The following LINGO2 variants were observed in gnomAD, a reference collection of about 807,000 sequenced individuals.
LINGO2 encodes the protein leucine-rich repeat and immunoglobulin-like domain-containing nogo receptor-interacting protein 2.
In LINGO2, 14 loss-of-function variants were observed where a neutral mutation model predicts 30.6. The ratio of observed to expected loss-of-function variants is 0.46; its 90% confidence interval spans 0.30 to 0.72. The LOEUF is 0.72. Ranked by LOEUF, LINGO2 falls within the 30% of genes least tolerant of loss-of-function variation. LINGO2 has a pLI of 0.07. For missense variants in LINGO2, 729 were observed against 751.7 expected, an observed-to-expected ratio of 0.97 and a Z score of 0.35; for synonymous variants, 317 against 288.5, an observed-to-expected ratio of 1.10 and a Z score of -1.00.
Position 28,389,565 on chromosome 9 carries a change from C to G in LINGO2, c.-278-16697G>C, listed in dbSNP as rs191079927. ...CCTACCCAAGATCTCTAGACGTCAG[C>G]ATTCCTAAATTCCTGCCTCATCTCT... On this transcript the variant is annotated intron_variant, in intron 2 of 5. Coordinates refer to ENST00000379992, the Ensembl canonical transcript of LINGO2. Among the ~76,000 whole-genome samples the G allele has an allele frequency of 2.2e-4, 33 of 152,286 alleles. No individual in the cohort carries two copies. In the East Asian group the frequency reaches 6.0e-3, roughly 28 times the overall value.
chr9:28,171,971 TC>T (rs1284003684), intron 4 of LINGO2, among the ~76,000 whole-genome samples: 1 of 113,272 alleles, frequency 8.8e-6, no homozygotes, highest in Non-Finnish European at 1.6e-5. Context: ...TGAGCCGAGA[TC>T]ACGCCACTGC....
chr9:27,948,942 A>T, exon 6 of LINGO2: 1 of 1,613,948 alleles, frequency 6.2e-7, no homozygotes, highest in Non-Finnish European at 8.5e-7. Flanking sequence ...CTCAAGGTCA[A>T]TGCTGTTTTT....
At chr9:28,807,070 G>A in the LINGO2 span, among the ~76,000 whole-genome samples, 1 of 151,516 alleles carries the variant, frequency 6.6e-6, no homozygotes, top group East Asian at 1.9e-4. Flanking sequence ...TGCCACCCAG[G>A]CTGGAGTGCA....
intron 1 of LINGO2, among the ~76,000 whole-genome samples, chr9:28,647,996 C>T (rs777274713): frequency 1.3e-5 from 2 of 148,308 alleles, no homozygotes; most frequent in African/African-American, 2.5e-5. Context: ...GTACCGTAAA[C>T]AGAGGGCTGC....
intron 4 of LINGO2, among the ~76,000 whole-genome samples, chr9:28,071,729 G>A (rs1212754733): frequency 6.6e-6 from 1 of 151,940 alleles, no homozygotes; most frequent in Non-Finnish European, 1.5e-5. Flanking sequence ...ATACATCCAG[G>A]TCCATTTGGT....
chr9:27,998,074 G>A (rs906898240), intron 5 of LINGO2, among the ~76,000 whole-genome samples: 7 of 152,084 alleles, frequency 4.6e-5, no homozygotes, highest in African/African-American at 1.7e-4. Context: ...CCAAGATAAC[G>A]GCCATCAATT....
the LINGO2 span, among the ~76,000 whole-genome samples, chr9:29,009,451 T>C: frequency 5.5e-3 from 829 of 152,022 alleles, 11 homozygotes; most frequent in African/African-American, 0.019. Flanking sequence ...GAGAATAAAA[T>C]AACTAGGAAT....
the LINGO2 span, among the ~76,000 whole-genome samples, chr9:29,076,689 C>A: frequency 1.3e-5 from 2 of 149,656 alleles, no homozygotes; most frequent in African/African-American, 4.9e-5. Flanking sequence ...TTTAGACACA[C>A]AACGTAAGGG....
chr9:28,989,542 AT>A, the LINGO2 span, among the ~76,000 whole-genome samples: 1 of 152,150 alleles, frequency 6.6e-6, no homozygotes, highest in African/African-American at 2.4e-5. Context: ...TATTCCACTA[AT>A]TCACTATATG....
At chr9:28,275,032 G>A (rs1205914843) in intron 4 of LINGO2, among the ~76,000 whole-genome samples, 2 of 151,976 alleles carry the variant, frequency 1.3e-5, no homozygotes, top group African/African-American at 4.8e-5. Context: ...TCTGTTTCTA[G>A]TTCAGAATGC....
At position 28,130,366 on chromosome 9, in the gene LINGO2, A is replaced by G. The variant is rs1433261725; in HGVS notation, c.-86-117961T>C. ...CTCTAGCTATGAGACTGTAGAAGGT[A>G]TTTAAACATTCACAAGGACAGAGCT... is the stretch of plus-strand genomic sequence containing the variant. On this transcript the variant is annotated intron_variant, in intron 4 of 5. Coordinates refer to ENST00000379992, the Ensembl canonical transcript of LINGO2. This position sits in a 1 kb window ranked among gnomAD's most constrained non-coding sequence, Gnocchi z 5.2. Among the ~76,000 whole-genome samples, 1 of 152,242 alleles carries G rather than the reference A, an allele frequency of 6.6e-6. No homozygotes were observed. Among genetic ancestry groups the G allele is most frequent in the Non-Finnish European group, 1.5e-5 (1 of 68,044 alleles).
chr9:28,526,491 G>A (rs945300991), intron 1 of LINGO2, among the ~76,000 whole-genome samples: 2 of 152,140 alleles, frequency 1.3e-5, no homozygotes, highest in East Asian at 3.9e-4. Flanking sequence ...TTTCCAAAAT[G>A]TTAACCATAG....
intron 4 of LINGO2, among the ~76,000 whole-genome samples, chr9:28,254,588 A>C (rs868143767): frequency 2.0e-5 from 3 of 152,240 alleles, no homozygotes; most frequent in Middle Eastern, 3.4e-3. Context: ...GAGGCACTTT[A>C]AATCCCATGA....
At chr9:28,614,149 G>C (rs1826037596) in intron 1 of LINGO2, among the ~76,000 whole-genome samples, 1 of 152,020 alleles carries the variant, frequency 6.6e-6, no homozygotes, top group South Asian at 2.1e-4. Context: ...TCTTAAGTCT[G>C]TATGTCTTTG....
the LINGO2 span, among the ~76,000 whole-genome samples, chr9:28,826,772 G>A: frequency 3.1e-4 from 47 of 152,250 alleles, no homozygotes; most frequent in African/African-American, 1.1e-3. Context: ...GGATACAATG[G>A]TTGAGAGTAA....
chr9:28,198,076 T>C (rs1820078010), intron 4 of LINGO2, among the ~76,000 whole-genome samples: 1 of 149,506 alleles, frequency 6.7e-6, no homozygotes, highest in African/African-American at 2.4e-5. Context: ...CAAAATTACA[T>C]TCACTTTTTT....
At chr9:29,192,397 A>G in the LINGO2 span, among the ~76,000 whole-genome samples, 1 of 152,290 alleles carries the variant, frequency 6.6e-6, no homozygotes, top group African/African-American at 2.4e-5. Context: ...TCAACACTAC[A>G]TTTATATTCT....
intron 2 of LINGO2, among the ~76,000 whole-genome samples, chr9:28,453,106 A>C (rs1400510512): frequency 6.6e-6 from 1 of 151,944 alleles, no homozygotes. Context: ...TATATAATGT[A>C]CCATAAAATT....
chr9:28,212,214 G>A (rs910896912), intron 4 of LINGO2, among the ~76,000 whole-genome samples: 2 of 151,358 alleles, frequency 1.3e-5, no homozygotes, highest in South Asian at 2.1e-4. Context: ...CAACACCATC[G>A]TGAACAGGAT....
Sources: allele counts gnomAD v4.1 joint callset (sites outside exome capture counted in the v4.1 genomes callset), GRCh38; gene constraint gnomAD v4.1.1; non-coding constraint Gnocchi (gnomAD v3.1); transcripts MANE v1.5; gene names NCBI Gene and HGNC (gene_info 2026-07-23, HGNC 2026-07-21).